Variants in LZTR1 observed in about 807,000 individuals in gnomAD.
LZTR1 encodes leucine-zipper-like transcriptional regulator 1.
In LZTR1, 260 loss-of-function variants were observed where a neutral mutation model predicts 105.7. The ratio of observed to expected loss-of-function variants is 2.46; its 90% confidence interval spans 2.22 to 2.72. The LOEUF (loss-of-function observed/expected upper bound fraction) is 2.72, where lower values mean the gene tolerates loss of function less well. LZTR1 is among the 30% of genes most tolerant of loss of function. The pLI is 0.00. For missense variants in LZTR1, 1,214 were observed against 1,166.9 expected, an observed-to-expected ratio of 1.04 and a Z score of -0.59; for synonymous variants, 490 against 476.4, an observed-to-expected ratio of 1.03 and a Z score of -0.37.
chr22:20,989,852 C>A (rs1286574718), intron 7 of LZTR1, among the ~76,000 whole-genome samples, 170 bp downstream of exon 7: 4 of 152,124 alleles, frequency 2.6e-5, no homozygotes, highest in Non-Finnish European at 5.9e-5. Context: ...CCTTGCAAAG[C>A]CCAGCCTCGA....
At position 20,997,457 on chromosome 22, in the gene LZTR1, G is replaced by A; in HGVS notation, c.*109G>A. On this transcript the variant is annotated 3_prime_UTR_variant, in exon 21 of 21. Coordinates refer to ENST00000646124, the MANE Select transcript of LZTR1 (RefSeq NM_006767.4). The stretch of plus-strand genomic sequence containing the variant: ...CTATGGCAGTGGGTGCACCTGCCAG[G>A]CCAAGGGTCAGGGTGCCCAGAGCCT... The A allele has an allele frequency of 1.1e-6, 1 of 873,176 alleles. No individual in the cohort carries two copies. The highest frequency in any genetic ancestry group is 1.5e-5 in the South Asian group (1 of 68,800). 54.1% of individuals were successfully genotyped at this position (873,176 alleles called of 1,614,324 possible).
intron 8 of LZTR1, chr22:20,990,728 G>A (rs1260408429): frequency 3.5e-6 from 2 of 570,026 alleles, no homozygotes; most frequent in African/African-American, 1.9e-5. Context: ...GCAAGATAAG[G>A]CCTGGCGAGG....
rs768024666 is a variant in LZTR1 at position 20,982,526 on chromosome 22, A to C, written c.155A>C (p.His52Pro). Residue 52 changes from histidine (H) to proline (P), a missense_variant, in exon 1 of 21, where the codon CAT becomes CCT. Transcript: ENST00000646124. ...TLNFGPFETVHRWRRLPPCDE... is the reference protein window; with the variant it reads ...TLNFGPFETVPRWRRLPPCDE... ...AACTTCGGGCCCTTCGAAACAGTGC[A>C]TCGCTGGCGGCGCCTCCCGCCCTGC... 6.2e-7 allele frequency: 1 copy of C among 1,613,172 alleles called. No individual in the cohort carries two copies. The highest frequency in any genetic ancestry group is 1.1e-5 in the South Asian group (1 of 90,870).
At position 20,994,037 on chromosome 22, in the gene LZTR1, C is replaced by G. The variant is rs369921461; in HGVS notation, c.1449+18C>G. ...TGGCCCAGGTGAGGTGCCTAACCGC[C>G]CTGCCCTGACCTGGCAGCCATGCCT... is the stretch of plus-strand genomic sequence containing the variant. On this transcript the variant is annotated intron_variant, in intron 13 of 20. Transcript: ENST00000646124. 42 of 1,594,788 alleles carry G rather than the reference C, an allele frequency of 2.6e-5. No individual in the cohort carries two copies. The African/African-American group carries it at 5.3e-4, about 20-fold the overall frequency.
At chr22:20,988,925 A>G in intron 6 of LZTR1, 53 bp downstream of exon 6, 2 of 1,515,788 alleles carry the variant, frequency 1.3e-6, no homozygotes, top group South Asian at 2.2e-5. Flanking sequence ...TGAGACCCGG[A>G]GCAGGCCGTC....
chr22:20,996,719 A>G lies in LZTR1; in HGVS notation c.2243A>G (p.Tyr748Cys), dbSNP rs749640575. 6.2e-7 allele frequency: 1 copy of G among 1,613,506 alleles called. No homozygotes were observed. Among genetic ancestry groups the G allele is most frequent in the Non-Finnish European group, 8.5e-7 (1 of 1,179,960 alleles). Residue 748 changes from tyrosine (Y) to cysteine (C), a missense_variant, in exon 19 of 21, where the codon TAC becomes TGC. Coordinates refer to ENST00000646124, the MANE Select transcript of LZTR1 (RefSeq NM_006767.4). ...AGCTACTTGTTTGCGGCCCCCTACT[A>G]CTACGGCTTCTACAACAACCGGCTG... Reference protein sequence around the residue: ...DSLYLFAAPYYYGFYNNRLQA... With the variant: ...DSLYLFAAPYCYGFYNNRLQA...
At chr22:20,982,931 A>C in intron 1 of LZTR1, 96 bp from the exon 2 acceptor site, 1 of 962,644 alleles carries the variant, frequency 1.0e-6, no homozygotes, top group Non-Finnish European at 1.7e-6. Flanking sequence ...GAGAGGTGAT[A>C]CCTAACTTCC....
At chr22:20,995,453 T>A (rs749285855) in intron 16 of LZTR1, 1 of 643,196 alleles carries the variant, frequency 1.6e-6, no homozygotes, top group Non-Finnish European at 3.0e-6. Flanking sequence ...CCAGAGGCCA[T>A]GCAGTGGGCC....
rs1303204189 is a variant in LZTR1, at chr22:20,994,228, T to G, written c.1574T>G (p.Met525Arg). The G allele has an allele frequency of 6.2e-7, 1 of 1,600,294 alleles. No individual in the cohort carries two copies. Among genetic ancestry groups the G allele is most frequent in the African/African-American group, 1.3e-5 (1 of 74,916 alleles). ...GAGGCCCGGCCCTTCGAGGTGCTCA[T>G]GCAGTTCCTCTACACCGACAAGATC... ...EAEARPFEVL[M>R]QFLYTDKIKY... The change falls in exon 14 of 21, where the codon ATG becomes AGG. Residue 525 changes from methionine to arginine, a missense_variant. Transcript: ENST00000646124.
rs201831578 is a variant in LZTR1, at chr22:20,996,783, G to A, written c.2307G>A (p.Thr769=). 1.4e-5 allele frequency: 22 copies of A among 1,613,500 alleles called. No homozygotes were observed. Among genetic ancestry groups the A allele is most frequent in the African/African-American group, 6.7e-5 (5 of 74,902 alleles). The stretch of plus-strand genomic sequence containing the variant: ...AGCAGAACCTGGAGATGAACGTGAC[G>A]GTGCAGAACGTGCTGCAGGTAGCCC... The part of the protein sequence containing the change: ...YCKQNLEMNV[T]VQNVLQILEA... Residue 769 remains threonine, a synonymous_variant, in exon 19 of 21, where the codon ACG becomes ACA. Transcript: ENST00000646124.
Position 20,995,491 on chromosome 22 carries a change from G to A in LZTR1, c.1943-255G>A, listed in dbSNP as rs568979647. 2.1e-4 allele frequency: 142 copies of A among 674,276 alleles called. 1 individual carries two copies. The highest frequency in any genetic ancestry group is 1.6e-3 in the South Asian group (105 of 66,866). 41.8% of individuals were successfully genotyped at this position (674,276 alleles called of 1,614,324 possible). ...GAGGGGGCTTGATCATGAGGTCAGC[G>A]AGGGGGTACAGCAAGCTGGGTGGAA... On this transcript the variant is annotated intron_variant, in intron 16 of 20. Transcript: ENST00000646124.
chr22:20,988,221 G>A (rs991410471), intron 5 of LZTR1, 103 bp downstream of exon 5: 17 of 702,988 alleles, frequency 2.4e-5, no homozygotes, highest in Non-Finnish European at 3.8e-5. Context: ...CTGAGGGCAC[G>A]CAATAGCAGG....
Position 20,991,523 on chromosome 22 carries a change from G to A in LZTR1, c.792-105G>A, listed in dbSNP as rs1001616645. ...CCCTCTGGACCCTGGGCTAGTCACC[G>A]TAAGGGATGCAGGGGGACCTCCCAG... On this transcript the variant is annotated intron_variant, in intron 8 of 20. Coordinates refer to ENST00000646124, the MANE Select transcript of LZTR1 (RefSeq NM_006767.4). 34 of 902,786 alleles carry A rather than the reference G, an allele frequency of 3.8e-5. No individual in the cohort carries two copies. The Admixed American group carries it at 3.9e-4, about 10-fold the overall frequency. 55.9% of individuals were successfully genotyped at this position (902,786 alleles called of 1,614,324 possible).
At chr22:20,994,484 T>C (rs1924740996) in intron 14 of LZTR1, 74 bp from the exon 15 acceptor site, 1 of 1,482,934 alleles carries the variant, frequency 6.7e-7, no homozygotes, top group Non-Finnish European at 9.2e-7. Context: ...CACTCTTCCA[T>C]GGGGGGAGCC....
At chr22:20,993,601 C>T in intron 11 of LZTR1, 61 bp from the exon 12 acceptor site, 1 of 1,458,288 alleles carries the variant, frequency 6.9e-7, no homozygotes, top group Non-Finnish European at 9.5e-7. Context: ...TCGGCCTGCA[C>T]AGCCACACTG....
chr22:20,985,606 T>C (rs774278977), intron 2 of LZTR1, among the ~76,000 whole-genome samples: 1 of 151,740 alleles, frequency 6.6e-6, no homozygotes, highest in Non-Finnish European at 1.5e-5. Context: ...GCTTTGGTCC[T>C]GACCCCAGGC....
At position 20,995,946 on chromosome 22, in the gene LZTR1, C is replaced by A. The variant is rs1335266497; in HGVS notation, c.2070-17C>A. ...CGTTCTGCTGACGGCCAGGTGCCTA[C>A]CGCTCGTTGTCTGCAGCTACTTTGA... On this transcript the variant is annotated splice_polypyrimidine_tract_variant and intron_variant, in intron 17 of 20. Transcript: ENST00000646124. 2 of 1,613,430 alleles carry A rather than the reference C, an allele frequency of 1.2e-6. No individual in the cohort carries two copies. The highest frequency in any genetic ancestry group is 1.7e-6 in the Non-Finnish European group (2 of 1,180,034).
rs1569155285 is a variant in LZTR1, at chr22:20,989,693, TGGGG to T, written c.651+12_651+15del. Reference sequence around the variant, plus strand: ...ACCTGCTGGGAGGAGGTGAGGGGCGTGGGGAGCCAGGGCGCAGGTAGAGGAGGTG... The same window carrying T: ...ACCTGCTGGGAGGAGGTGAGGGGCGTAGCCAGGGCGCAGGTAGAGGAGGTG... On this transcript the variant is annotated intron_variant, in intron 7 of 20. Coordinates refer to ENST00000646124, the MANE Select transcript of LZTR1 (RefSeq NM_006767.4). 2.0e-6 allele frequency: 3 copies of T among 1,525,774 alleles called. No homozygotes were observed. The highest frequency in any genetic ancestry group is 1.6e-5 in the African/African-American group (1 of 63,052). The allele number at this position is 1,525,774 out of a possible 1,614,324, so 94.5% of individuals were successfully genotyped here. A position where few individuals can be genotyped will look rare whatever the true frequency, so the allele number is the denominator to read the frequency against.
intron 16 of LZTR1, chr22:20,995,371 C>T (rs183329628): frequency 4.9e-6 from 3 of 612,682 alleles, no homozygotes; most frequent in Admixed American, 2.1e-5. Context: ...GTCACAGGCC[C>T]CTTCATTCCC....
Sources: gnomAD v4.1 joint callset for allele counts (sites outside exome capture counted in the v4.1 genomes callset) on GRCh38, gnomAD v4.1.1 for gene constraint, MANE v1.5 for transcripts, NCBI Gene and HGNC (gene_info 2026-07-23, HGNC 2026-07-21) for gene names.